RGS6: variants seen among roughly 807,000 people sequenced by gnomAD.
The protein encoded by RGS6 is regulator of G-protein signaling 6.
A neutral mutation model predicts 78.5 loss-of-function variants in RGS6; 30 were observed. The observed-to-expected ratio is 0.38, with a 90% CI of 0.29 to 0.52. RGS6 has a LOEUF of 0.52. Ranked by LOEUF, RGS6 falls within the 20% of genes least tolerant of loss-of-function variation. RGS6 has a pLI of 0.85. For synonymous variants in RGS6, 206 were observed against 206.0 expected, an observed-to-expected ratio of 1.00 and a Z score of 0.00; for missense variants, 495 against 609.7, an observed-to-expected ratio of 0.81 and a Z score of 1.98.
the RGS6 span, among the ~76,000 whole-genome samples, chr14:71,873,182 G>A: frequency 6.6e-6 from 1 of 152,128 alleles, no homozygotes; most frequent in Admixed American, 6.6e-5. Context: ...GGGTCAAATG[G>A]TATTTCTAGT....
chr14:72,297,655 A>G lies in RGS6; in HGVS notation c.85-54440A>G, dbSNP rs572536026. Reference sequence around the variant, plus strand: ...TGATCTCATTGTTCAATTCCCACCTATGAGTGAGAATATACGGTGTTTGGT... The same window carrying G: ...TGATCTCATTGTTCAATTCCCACCTGTGAGTGAGAATATACGGTGTTTGGT... On this transcript the variant is annotated intron_variant, in intron 2 of 17. Coordinates refer to ENST00000553525, the MANE Select transcript of RGS6 (RefSeq NM_001204424.2). Among the ~76,000 whole-genome samples the G allele has an allele frequency of 1.5e-3, 211 of 137,612 alleles. 1 individual carries two copies. In the Middle Eastern group the frequency reaches 0.016, roughly 11 times the overall value. 90.3% of individuals were successfully genotyped at this position (137,612 alleles called of 152,430 possible). A position where few individuals can be genotyped will look rare whatever the true frequency, so the allele number is the denominator to read the frequency against.
the RGS6 span, among the ~76,000 whole-genome samples, chr14:71,869,629 A>G: frequency 6.6e-6 from 1 of 152,212 alleles, no homozygotes; most frequent in Non-Finnish European, 1.5e-5. Flanking sequence ...CAGAAAACCC[A>G]TTATAGCTAT....
At chr14:71,990,696 T>C (rs1199145908) in intron 2 of RGS6, 1 of 456,048 alleles carries the variant, frequency 2.2e-6, no homozygotes, top group Admixed American at 2.3e-5. Flanking sequence ...CTGTATGCTG[T>C]CCAGGGGCCA....
At chr14:72,495,310 T>C (rs774299947) in intron 13 of RGS6, 48 bp downstream of exon 13, 8 of 1,154,630 alleles carry the variant, frequency 6.9e-6, no homozygotes, top group Non-Finnish European at 1.1e-5. Flanking sequence ...TAGACAAAAA[T>C]CCATGAGATC....
At chr14:72,044,732 G>A (rs922930862) in intron 2 of RGS6, among the ~76,000 whole-genome samples, 1 of 152,156 alleles carries the variant, frequency 6.6e-6, no homozygotes, top group Admixed American at 6.5e-5. Flanking sequence ...AATAAGCTGA[G>A]TGTGGTGGTG....
chr14:72,103,242 T>TTAAA (rs150843947), intron 2 of RGS6, among the ~76,000 whole-genome samples: 2,990 of 152,258 alleles, frequency 0.02, 95 homozygotes, highest in African/African-American at 0.068. Flanking sequence ...GTACTACCTT[T>TTAAA]TAAAATATCT....
intron 2 of RGS6, among the ~76,000 whole-genome samples, chr14:72,087,257 A>G (rs1327315888): frequency 6.6e-6 from 1 of 152,020 alleles, no homozygotes; most frequent in Non-Finnish European, 1.5e-5. Flanking sequence ...CAGCCTCCCA[A>G]GTAGCTAGGA....
chr14:71,897,506 TTTTTA>T, the RGS6 span, among the ~76,000 whole-genome samples: 3 of 152,018 alleles, frequency 2.0e-5, no homozygotes, highest in African/African-American at 4.8e-5. Context: ...TTAGATTTAT[TTTTTA>T]TTTTATTTTA....
At chr14:71,894,407 C>T in the RGS6 span, among the ~76,000 whole-genome samples, 1 of 152,142 alleles carries the variant, frequency 6.6e-6, no homozygotes, top group African/African-American at 2.4e-5. Flanking sequence ...AATTCTTTAT[C>T]ACAAACCCTT....
At chr14:72,486,409 G>A (rs1236796233) in intron 12 of RGS6, among the ~76,000 whole-genome samples, 1 of 152,018 alleles carries the variant, frequency 6.6e-6, no homozygotes, top group Non-Finnish European at 1.5e-5. Context: ...TAAATACATG[G>A]CAGCTCCTGA....
intron 3 of RGS6, among the ~76,000 whole-genome samples, chr14:72,358,334 C>G (rs1193860475): frequency 1.3e-5 from 2 of 152,208 alleles, no homozygotes; most frequent in Non-Finnish European, 2.9e-5. Flanking sequence ...GTCCTCCAGA[C>G]TCCAGAATGG....
chr14:72,475,173 A>G (rs1448908133), intron 10 of RGS6, among the ~76,000 whole-genome samples: 6 of 150,884 alleles, frequency 4.0e-5, no homozygotes, highest in Non-Finnish European at 8.8e-5. Flanking sequence ...CTTTATACTT[A>G]GAAGCAAATA....
chr14:72,131,345 A>C (rs1380306258), intron 2 of RGS6, among the ~76,000 whole-genome samples: 1 of 152,212 alleles, frequency 6.6e-6, no homozygotes, highest in Non-Finnish European at 1.5e-5. Flanking sequence ...GGGATACTTA[A>C]GGAAAATTAT....
At chr14:71,871,334 A>G in the RGS6 span, among the ~76,000 whole-genome samples, 3 of 152,216 alleles carry the variant, frequency 2.0e-5, no homozygotes, top group Non-Finnish European at 4.4e-5. Context: ...AACAGAGACT[A>G]TAGACATGTG....
intron 2 of RGS6, among the ~76,000 whole-genome samples, chr14:72,154,228 C>G (rs892179307): frequency 2.0e-5 from 3 of 152,058 alleles, no homozygotes; most frequent in African/African-American, 7.3e-5. Flanking sequence ...TTCCCTTGTT[C>G]CCTAAAAGTC....
At chr14:72,273,910 C>G (rs1434587879) in intron 2 of RGS6, among the ~76,000 whole-genome samples, 1 of 152,202 alleles carries the variant, frequency 6.6e-6, no homozygotes, top group Non-Finnish European at 1.5e-5. Context: ...AATGTGCATG[C>G]AAATGTGCCT....
At chr14:72,506,680 T>C (rs192138164) in intron 13 of RGS6, among the ~76,000 whole-genome samples, 99 of 152,252 alleles carry the variant, frequency 6.5e-4, no homozygotes, top group African/African-American at 2.3e-3. Flanking sequence ...TAATGGATAG[T>C]TGAGGGAAGC....
chr14:72,509,147 G>A lies in RGS6; in HGVS notation c.966-1007G>A, dbSNP rs573036390. Among the ~76,000 whole-genome samples, 199 of 151,994 alleles carry A rather than the reference G, an allele frequency of 1.3e-3. 1 individual carries two copies. The highest frequency in any genetic ancestry group is 1.6e-3 in the Non-Finnish European group (109 of 67,954). Reference sequence around the variant, plus strand: ...TGGGAGGCTGAGGCGGGTGGATCACGAGGTCAGGAGATTGAGACCATCCTG... The same window carrying A: ...TGGGAGGCTGAGGCGGGTGGATCACAAGGTCAGGAGATTGAGACCATCCTG... On this transcript the variant is annotated intron_variant, in intron 13 of 17. Coordinates refer to ENST00000553525, the MANE Select transcript of RGS6 (RefSeq NM_001204424.2).
At position 72,471,873 on chromosome 14, in the gene RGS6, C is replaced by T. The variant is rs140411906; in HGVS notation, c.537-999C>T. 7.2e-5 allele frequency among the ~76,000 whole-genome samples: 11 copies of T among 152,288 alleles called. No individual in the cohort carries two copies. The East Asian group carries it at 1.4e-3, about 19-fold the overall frequency. ...GAAGCCACTGGAAAGCAAAGAGGAACGCTAATTTGTTCTTCCAGAATCAAA... is the reference window on the plus strand; with the variant it reads ...GAAGCCACTGGAAAGCAAAGAGGAATGCTAATTTGTTCTTCCAGAATCAAA... On this transcript the variant is annotated intron_variant, in intron 8 of 17. Coordinates refer to ENST00000553525, the MANE Select transcript of RGS6 (RefSeq NM_001204424.2).
Sources: gnomAD v4.1 joint callset for allele counts (sites outside exome capture counted in the v4.1 genomes callset) on GRCh38, gnomAD v4.1.1 for gene constraint, MANE v1.5 for transcripts, NCBI Gene and HGNC (gene_info 2026-07-23, HGNC 2026-07-21) for gene names.